Variants in IQGAP2 observed in about 807,000 individuals in gnomAD.
IQGAP2 encodes ras GTPase-activating-like protein IQGAP2.
In IQGAP2, 173 loss-of-function variants were observed where a neutral mutation model predicts 201.3. The ratio of observed to expected loss-of-function variants is 0.86; its 90% confidence interval spans 0.76 to 0.98. IQGAP2 has a LOEUF of 0.98. IQGAP2 is among the 50% of genes least tolerant of loss of function. The probability of loss-of-function intolerance (pLI) is 0.00; values close to 1 mark genes in which losing one functional copy is unlikely to be tolerated. For synonymous variants in IQGAP2, 675 were observed against 673.9 expected, an observed-to-expected ratio of 1.00 and a Z score of -0.03; for missense variants, 1,687 against 1,864.8, an observed-to-expected ratio of 0.90 and a Z score of 1.76.
At chr5:76,463,169 G>GAAAAAAT (rs1326945912) in intron 2 of IQGAP2, among the ~76,000 whole-genome samples, 1 of 138,078 alleles carries the variant, frequency 7.2e-6, no homozygotes, top group Non-Finnish European at 1.6e-5. Context: ...AAAAAGAAAA[G>GAAAAAAT]AAAAAATATA....
intron 12 of IQGAP2, chr5:76,609,253 G>A: frequency 6.5e-7 from 1 of 1,534,928 alleles, no homozygotes; most frequent in South Asian, 1.2e-5. Flanking sequence ...GCTTACCCAA[G>A]GGGGGTGACC....
chr5:76,509,035 G>A (rs1580348637), intron 2 of IQGAP2, among the ~76,000 whole-genome samples: 1 of 46,034 alleles, frequency 2.2e-5, no homozygotes, highest in African/African-American at 8.7e-5. Context: ...ATATATGTGT[G>A]TGTGTGTGTG....
chr5:76,595,017 C>T (rs903614113), intron 9 of IQGAP2, among the ~76,000 whole-genome samples: 12 of 151,612 alleles, frequency 7.9e-5, no homozygotes, highest in Non-Finnish European at 1.8e-4. Flanking sequence ...CAAGATTTTC[C>T]TCAACCATGT....
chr5:76,582,959 C>T lies in IQGAP2; in HGVS notation c.459-5947C>T, dbSNP rs147877626. Among the ~76,000 whole-genome samples, 365 of 152,332 alleles carry T rather than the reference C, an allele frequency of 2.4e-3. 2 individuals carry two copies. The highest frequency in any genetic ancestry group is 8.3e-3 in the African/African-American group (346 of 41,576). Reference sequence around the variant, plus strand: ...CAACCCCTCCGTTGCTGGCCTCACTCAGCTGCACAGGTGTGCTGTAGCTTT... The same window carrying T: ...CAACCCCTCCGTTGCTGGCCTCACTTAGCTGCACAGGTGTGCTGTAGCTTT... On this transcript the variant is annotated intron_variant, in intron 5 of 35. Coordinates refer to ENST00000274364, the MANE Select transcript of IQGAP2 (RefSeq NM_006633.5).
At chr5:76,404,537 A>C in intron 1 of IQGAP2, 1 of 979,452 alleles carries the variant, frequency 1.0e-6, no homozygotes, top group African/African-American at 1.7e-5. Flanking sequence ...CAGAGGTACC[A>C]GGTTTGGGTT....
At chr5:76,658,768 C>T in intron 21 of IQGAP2, 101 bp downstream of exon 21, 1 of 1,009,048 alleles carries the variant, frequency 9.9e-7, no homozygotes, top group Non-Finnish European at 1.5e-6. Flanking sequence ...AGAAATGTAG[C>T]ATTAGGTGAT....
chr5:76,689,229 T>TAAA (rs1561595883), intron 30 of IQGAP2, among the ~76,000 whole-genome samples: 3 of 33,680 alleles, frequency 8.9e-5, no homozygotes, highest in African/African-American at 3.5e-4. Context: ...ACAGGGATAT[T>TAAA]TAAAAAAAAA....
At chr5:76,646,745 T>C (rs1306091980) in intron 17 of IQGAP2, among the ~76,000 whole-genome samples, 3 of 152,216 alleles carry the variant, frequency 2.0e-5, no homozygotes, top group Non-Finnish European at 4.4e-5. Flanking sequence ...GGCATCTTTA[T>C]AATAATAAAC....
chr5:76,677,531 C>A, intron 28 of IQGAP2, 181 bp downstream of exon 28: 1 of 436,842 alleles, frequency 2.3e-6, no homozygotes, highest in Non-Finnish European at 3.9e-6. Context: ...CTCCTTCTCC[C>A]AAACAACAAA....
chr5:76,445,755 T>C (rs1436713728), intron 1 of IQGAP2, among the ~76,000 whole-genome samples: 2 of 152,186 alleles, frequency 1.3e-5, no homozygotes, highest in Non-Finnish European at 2.9e-5. Flanking sequence ...TGAGCCGCCA[T>C]GCCTGGCCCA....
At chr5:76,410,949 G>A (rs1476892635) in intron 1 of IQGAP2, among the ~76,000 whole-genome samples, 1 of 152,126 alleles carries the variant, frequency 6.6e-6, no homozygotes, top group Non-Finnish European at 1.5e-5. Context: ...TTCTTGCCAA[G>A]GTGCCTAAGA....
At chr5:76,618,308 G>C (rs1283888644) in intron 13 of IQGAP2, 3 of 1,614,094 alleles carry the variant, frequency 1.9e-6, no homozygotes, top group Admixed American at 1.7e-5. Context: ...TGGCCAGGTT[G>C]GTGTAGAATA....
intron 21 of IQGAP2, among the ~76,000 whole-genome samples, chr5:76,661,202 C>T (rs1387004549): frequency 2.1e-5 from 3 of 145,236 alleles, no homozygotes; most frequent in African/African-American, 5.2e-5. Context: ...CTAGCTCTTG[C>T]TAGTAACCTT....
chr5:76,590,728 T>A, intron 8 of IQGAP2, 142 bp downstream of exon 8: 1 of 672,224 alleles, frequency 1.5e-6, no homozygotes, highest in Non-Finnish European at 2.5e-6. Flanking sequence ...GAATGAAATG[T>A]AGCATACAAG....
intron 22 of IQGAP2, among the ~76,000 whole-genome samples, chr5:76,666,805 G>A (rs536245900): frequency 1.3e-5 from 2 of 152,254 alleles, no homozygotes; most frequent in East Asian, 1.9e-4. Flanking sequence ...GTGCAGTGGC[G>A]CAACCACAGC....
At chr5:76,523,593 A>T (rs1397090552) in intron 2 of IQGAP2, among the ~76,000 whole-genome samples, 1 of 152,182 alleles carries the variant, frequency 6.6e-6, no homozygotes. Flanking sequence ...TAGTGTGTGG[A>T]GGAATTTCTA....
chr5:76,656,549 T>C (rs1469087813), intron 20 of IQGAP2, among the ~76,000 whole-genome samples: 1 of 152,188 alleles, frequency 6.6e-6, no homozygotes, highest in African/African-American at 2.4e-5. Flanking sequence ...CTAAAATATG[T>C]TTGCTGTTGC....
intron 2 of IQGAP2, among the ~76,000 whole-genome samples, chr5:76,481,159 G>A (rs1363795243): frequency 6.6e-6 from 1 of 151,992 alleles, no homozygotes; most frequent in Non-Finnish European, 1.5e-5. Flanking sequence ...ATGAATTTGG[G>A]GGCACACATT....
intron 2 of IQGAP2, among the ~76,000 whole-genome samples, chr5:76,520,485 G>T (rs569652168): frequency 3.9e-5 from 6 of 152,096 alleles, no homozygotes; most frequent in African/African-American, 1.4e-4. Context: ...CTTAAAACTG[G>T]GTAGTATGAG....
Sources: gnomAD v4.1 joint callset for allele counts (sites outside exome capture counted in the v4.1 genomes callset) on GRCh38, gnomAD v4.1.1 for gene constraint, MANE v1.5 for transcripts, NCBI Gene and HGNC (gene_info 2026-07-23, HGNC 2026-07-21) for gene names.